The following CAMLG variants were observed in gnomAD, a reference collection of about 807,000 sequenced individuals.
CAMLG encodes the protein guided entry of tail-anchored proteins factor CAMLG.
In CAMLG, 23 loss-of-function variants were observed where a neutral mutation model predicts 28.9. That is an observed-to-expected ratio of 0.80 (90% CI 0.57 to 1.13). The LOEUF is 1.13. Among genes scored for constraint, CAMLG ranks in the 50% most tolerant of loss-of-function variants. CAMLG has a pLI of 0.00. For synonymous variants in CAMLG, 141 were observed against 146.5 expected (o/e 0.96, Z 0.27); for missense variants, 367 against 371.9 (o/e 0.99, Z 0.11).
rs752511826 is a variant in CAMLG at position 134,738,585 on chromosome 5, C to T, written c.-36C>T. ...CCCTCGCAGCGGCGGCCAACATCAC[C>T]GCCACTGCCACCCCTCCCAGACTGT... is the stretch of plus-strand genomic sequence containing the variant. On this transcript the variant is annotated 5_prime_UTR_variant, in exon 1 of 4. Transcript: ENST00000297156. 4.0e-5 allele frequency: 61 copies of T among 1,542,258 alleles called. No homozygotes were observed. The highest frequency in any genetic ancestry group is 1.3e-4 in the African/African-American group (9 of 71,902).
chr5:134,746,180 T>C (rs1317043840), intron 3 of CAMLG, among the ~76,000 whole-genome samples: 5 of 148,376 alleles, frequency 3.4e-5, no homozygotes, highest in Admixed American at 6.8e-5. Flanking sequence ...CTATTCAGAA[T>C]GAAGATGCTC....
chr5:134,746,224 ATAT>A (rs1753047425), intron 3 of CAMLG, among the ~76,000 whole-genome samples: 1 of 149,402 alleles, frequency 6.7e-6, no homozygotes, highest in South Asian at 2.4e-4. Flanking sequence ...TCTCCAAGAA[ATAT>A]TAAGAGAAAA....
intron 3 of CAMLG, among the ~76,000 whole-genome samples, chr5:134,748,747 T>C (rs947433134): frequency 2.0e-5 from 3 of 152,204 alleles, no homozygotes; most frequent in African/African-American, 7.2e-5. Context: ...CAAAGAACTT[T>C]TTCCCACGAT....
At chr5:134,747,696 C>T (rs1753066823) in intron 3 of CAMLG, among the ~76,000 whole-genome samples, 1 of 150,120 alleles carries the variant, frequency 6.7e-6, no homozygotes, top group Non-Finnish European at 1.5e-5. Context: ...GGCAGGAGTG[C>T]AGTGGCACAA....
chr5:134,746,687 G>T (rs1753054001), intron 3 of CAMLG, among the ~76,000 whole-genome samples: 1 of 152,014 alleles, frequency 6.6e-6, no homozygotes, highest in Non-Finnish European at 1.5e-5. Flanking sequence ...GTGTTGGTCA[G>T]TCTGGTCTGG....
chr5:134,748,046 T>C (rs1009336310), intron 3 of CAMLG, among the ~76,000 whole-genome samples: 1 of 151,926 alleles, frequency 6.6e-6, no homozygotes, highest in African/African-American at 2.4e-5. Flanking sequence ...TGTATTTCAG[T>C]AGAGACGGGG....
At chr5:134,740,953 A>T in intron 1 of CAMLG, 110 bp from the exon 2 acceptor site, 2 of 713,736 alleles carry the variant, frequency 2.8e-6, no homozygotes, top group Non-Finnish European at 2.3e-6. Flanking sequence ...ATTTATTTTG[A>T]TGCAGAGGCT....
At position 134,744,342 on chromosome 5, in the gene CAMLG, G is replaced by A. The variant is rs1305346693; in HGVS notation, c.699+290G>A. Among the ~76,000 whole-genome samples the A allele has an allele frequency of 2.0e-5, 3 of 152,050 alleles. No individual in the cohort carries two copies. In the East Asian group the frequency reaches 5.8e-4, roughly 29 times the overall value. On this transcript the variant is annotated intron_variant, in intron 3 of 3. Coordinates refer to ENST00000297156, the MANE Select transcript of CAMLG (RefSeq NM_001745.4). ...AGTTCAAGACCAGCCTGGCCAACAT[G>A]GTGCAACCCCATCTCTGCTAAAAAT... is the stretch of plus-strand genomic sequence containing the variant.
rs774383139 is a variant in CAMLG, at chr5:134,741,282, T to TC, written c.394dup (p.Arg132ProfsTer40). On this transcript the variant is annotated frameshift_variant, in exon 2 of 4. Coordinates refer to ENST00000297156, the MANE Select transcript of CAMLG (RefSeq NM_001745.4). LOFTEE classifies it high-confidence loss of function. ...TGCAGTAGTGATGTCAACCTTGAGCTCCGGCAGCGGAACAGAGGGGACCTG... is the reference window on the plus strand; with the variant it reads ...TGCAGTAGTGATGTCAACCTTGAGCTCCCGGCAGCGGAACAGAGGGGACCTG... The TC allele has an allele frequency of 6.2e-7, 1 of 1,614,120 alleles. No individual in the cohort carries two copies. Among genetic ancestry groups the TC allele is most frequent in the Non-Finnish European group, 8.5e-7 (1 of 1,180,026 alleles).
rs1417135770 is a variant in CAMLG at position 134,750,995 on chromosome 5, C to A, written c.*45C>A. 5.4e-6 allele frequency: 7 copies of A among 1,306,028 alleles called. No individual in the cohort carries two copies. The highest frequency in any genetic ancestry group is 2.1e-5 in the Admixed American group (1 of 48,050). 80.9% of individuals were successfully genotyped at this position (1,306,028 alleles called of 1,614,324 possible). A position where few individuals can be genotyped will look rare whatever the true frequency, so the allele number is the denominator to read the frequency against. On this transcript the variant is annotated 3_prime_UTR_variant, in exon 4 of 4. Transcript: ENST00000297156. ...GAGAAGCTTACAAAAAAAAAAAAAT[C>A]CTCTTCTATATTGCAGTGTCTCTAA...
rs189533775 is a variant in CAMLG at position 134,749,290 on chromosome 5, G to A, written c.700-1469G>A. On this transcript the variant is annotated intron_variant, in intron 3 of 3. Transcript: ENST00000297156. Reference sequence around the variant, plus strand: ...TCACCATATTGGCCAGGCTGGTCTCGAACTCCTGACCTTGTGATCCACCCA... The same window carrying A: ...TCACCATATTGGCCAGGCTGGTCTCAAACTCCTGACCTTGTGATCCACCCA... Among the ~76,000 whole-genome samples the A allele has an allele frequency of 7.6e-4, 116 of 152,070 alleles. 2 individuals carry two copies. The East Asian group carries it at 0.017, about 22-fold the overall frequency.
intron 3 of CAMLG, among the ~76,000 whole-genome samples, chr5:134,747,095 T>C (rs1363897995): frequency 3.3e-5 from 5 of 151,920 alleles, no homozygotes; most frequent in African/African-American, 1.2e-4. Flanking sequence ...CAAAAATAAA[T>C]AAACACAAAA....
At chr5:134,749,563 T>C (rs1753089193) in intron 3 of CAMLG, among the ~76,000 whole-genome samples, 1 of 152,204 alleles carries the variant, frequency 6.6e-6, no homozygotes, top group South Asian at 2.1e-4. Flanking sequence ...TGGATTCCTT[T>C]GCATAACAAT....
In CAMLG at chr5:134,738,811, CCT is replaced by C. The variant is rs1561841148; in HGVS notation, c.172+21_172+22del. 1 of 1,612,678 alleles carries C rather than the reference CCT, an allele frequency of 6.2e-7. No homozygotes were observed. The highest frequency in any genetic ancestry group is 1.1e-5 in the South Asian group (1 of 91,024). On this transcript the variant is annotated intron_variant, in intron 1 of 3. Coordinates refer to ENST00000297156, the MANE Select transcript of CAMLG (RefSeq NM_001745.4). The stretch of plus-strand genomic sequence containing the variant: ...GGCGCGGGTAAGAGCCTCGATTTCC[CCT>C]CAGTCTCCCGCCCATCACCTTGAAT...
At position 134,741,523 on chromosome 5, in the gene CAMLG, G is replaced by A; in HGVS notation, c.633G>A (p.Leu211=). ...TCAGAGCTTTTGTTTGCAAATACTT[G>A]GTAAGAAAAGATCTGTAAATTATTA... ...LGVRAFVCKY[L]SIFAPFLTLQ... Residue 211 remains leucine (L), a splice_region_variant and synonymous_variant, in exon 2 of 4, where the codon TTG becomes TTA. Coordinates refer to ENST00000297156, the MANE Select transcript of CAMLG (RefSeq NM_001745.4). 6.4e-7 allele frequency: 1 copy of A among 1,568,628 alleles called. No individual in the cohort carries two copies. Among genetic ancestry groups the A allele is most frequent in the South Asian group, 1.1e-5 (1 of 88,464 alleles).
At chr5:134,738,889 C>T (rs1752951371) in intron 1 of CAMLG, 97 bp downstream of exon 1, 1 of 1,206,126 alleles carries the variant, frequency 8.3e-7, no homozygotes, top group Non-Finnish European at 1.2e-6. Flanking sequence ...ACCTTTTTGA[C>T]CAAGCCTTGC....
At chr5:134,742,355 C>T (rs1026654223) in intron 2 of CAMLG, among the ~76,000 whole-genome samples, 2 of 152,204 alleles carry the variant, frequency 1.3e-5, no homozygotes, top group Non-Finnish European at 2.9e-5. Flanking sequence ...CAAGGTCACA[C>T]AGCTACTAAG....
rs749452817 is a variant in CAMLG at position 134,738,840 on chromosome 5, T to C, written c.172+48T>C. 1.4e-5 allele frequency: 22 copies of C among 1,577,378 alleles called. No individual in the cohort carries two copies. In the South Asian group the frequency reaches 2.0e-4, roughly 14 times the overall value. The stretch of plus-strand genomic sequence containing the variant: ...AGTCTCCCGCCCATCACCTTGAATC[T>C]TCAGGGTCATTCTTCCCTCTCCCAC... On this transcript the variant is annotated intron_variant, in intron 1 of 3. Coordinates refer to ENST00000297156, the MANE Select transcript of CAMLG (RefSeq NM_001745.4).
intron 2 of CAMLG, among the ~76,000 whole-genome samples, chr5:134,742,370 G>A (rs539418268): frequency 6.6e-6 from 1 of 152,332 alleles, no homozygotes; most frequent in African/African-American, 2.4e-5. Flanking sequence ...ACTAAGCGGT[G>A]CTAGGATTAA....
Sources: allele counts gnomAD v4.1 joint callset (sites outside exome capture counted in the v4.1 genomes callset), GRCh38; gene constraint gnomAD v4.1.1; transcripts MANE v1.5; gene names NCBI Gene and HGNC (gene_info 2026-07-23, HGNC 2026-07-21).